Variants in RBFOX1 observed in about 807,000 individuals in gnomAD.
RBFOX1 encodes RNA binding fox-1 homolog 1, also known as RNA binding protein fox-1 homolog 1.
A neutral mutation model predicts 57.7 loss-of-function variants in RBFOX1; 8 were observed. The ratio of observed to expected loss-of-function variants is 0.14; its 90% CI spans 0.08 to 0.25. The LOEUF is 0.25. Ranked by LOEUF, RBFOX1 falls within the 10% of genes least tolerant of loss-of-function variation. The pLI, the probability that RBFOX1 is intolerant of heterozygous loss-of-function variation, is 1.00. For missense variants in RBFOX1, 611 were observed against 548.5 expected, an observed-to-expected ratio of 1.11 and a Z score of -1.14; for synonymous variants, 326 against 222.4, an observed-to-expected ratio of 1.47 and a Z score of -4.15.
intron 1 of RBFOX1, among the ~76,000 whole-genome samples, chr16:5,347,329 A>G (rs1490732001): frequency 6.6e-6 from 1 of 152,176 alleles, no homozygotes; most frequent in African/African-American, 2.4e-5. Context: ...TCGTTGCTCA[A>G]CAAATACTTG....
intron 3 of RBFOX1, among the ~76,000 whole-genome samples, chr16:5,865,901 G>GGA (rs144864788): frequency 2.6e-5 from 4 of 151,200 alleles, no homozygotes; most frequent in African/African-American, 7.3e-5. Context: ...GTGTGCAGGA[G>GGA]GAGAGAGAGA....
At chr16:6,093,807 TG>T (rs2096209827) in intron 1 of RBFOX1, among the ~76,000 whole-genome samples, 2 of 151,722 alleles carry the variant, frequency 1.3e-5, no homozygotes, top group African/African-American at 4.8e-5. Context: ...TTTGTAAAGA[TG>T]GGGGTCTCAC....
chr16:7,401,830 CAA>C (rs2148815943), intron 4 of RBFOX1, among the ~76,000 whole-genome samples: 1 of 152,174 alleles, frequency 6.6e-6, no homozygotes, highest in South Asian at 2.1e-4. Context: ...CACAGGAGGC[CAA>C]AAGAGTTTCC....
intron 3 of RBFOX1, among the ~76,000 whole-genome samples, chr16:5,633,235 C>G (rs1213676022): frequency 6.6e-6 from 1 of 152,174 alleles, no homozygotes; most frequent in East Asian, 1.9e-4. Flanking sequence ...CCACGCCCAG[C>G]CAACAACTCT....
intron 2 of RBFOX1, among the ~76,000 whole-genome samples, chr16:6,347,041 G>T (rs2085492848): frequency 6.6e-6 from 1 of 152,144 alleles, no homozygotes; most frequent in South Asian, 2.1e-4. Context: ...AGAATAGATG[G>T]ACAGAGCAAG....
chr16:7,117,865 T>G (rs2066255310), intron 4 of RBFOX1, among the ~76,000 whole-genome samples: 1 of 152,152 alleles, frequency 6.6e-6, no homozygotes, highest in South Asian at 2.1e-4. Flanking sequence ...AGGATTCATT[T>G]TGTTGTAGCT....
At chr16:5,375,639 A>G (rs564796243) in intron 1 of RBFOX1, among the ~76,000 whole-genome samples, 1 of 152,300 alleles carries the variant, frequency 6.6e-6, no homozygotes, top group South Asian at 2.1e-4. Flanking sequence ...ATGTTGTAAT[A>G]TCCAGTATTT....
intron 3 of RBFOX1, among the ~76,000 whole-genome samples, chr16:6,905,198 C>T (rs367625561): frequency 6.6e-6 from 1 of 151,788 alleles, no homozygotes; most frequent in Non-Finnish European, 1.5e-5. Context: ...TTCTCAATAA[C>T]ACTTGTTCCT....
At position 6,562,855 on chromosome 16, in the gene RBFOX1, TCTTTCTTTCTTTCTTTCTTTC is replaced by T. The variant is rs1567693424; in HGVS notation, c.-63-91747_-63-91727del. On this transcript the variant is annotated intron_variant, in intron 2 of 15. Coordinates refer to ENST00000550418, the MANE Select transcript of RBFOX1 (RefSeq NM_018723.4). ...TCTTTTCTTTCTTTCTTTCTTTCTT[TCTTTCTTTCTTTCTTTCTTTC>T]TTTCTTTTTTTTTTTTTTTTTTGCA... 2.9e-3 allele frequency among the ~76,000 whole-genome samples: 171 copies of T among 59,344 alleles called. 2 individuals are homozygous for T. The highest frequency in any genetic ancestry group is 0.012 in the African/African-American group (151 of 12,830). The allele number at this position is 59,344 out of a possible 152,430, so 38.9% of individuals were successfully genotyped here. A position where few individuals can be genotyped will look rare whatever the true frequency, so the allele number is the denominator to read the frequency against.
At chr16:6,627,728 C>G (rs140280671) in intron 2 of RBFOX1, among the ~76,000 whole-genome samples, 3 of 152,142 alleles carry the variant, frequency 2.0e-5, no homozygotes, top group South Asian at 2.1e-4. Flanking sequence ...AGTCATCCCC[C>G]CTCTGAGGCC....
intron 4 of RBFOX1, among the ~76,000 whole-genome samples, chr16:7,101,329 A>G (rs188503036): frequency 1.3e-5 from 2 of 152,318 alleles, no homozygotes; most frequent in East Asian, 1.9e-4. Context: ...AGAAAATGCT[A>G]TTCATTGAAA....
At chr16:5,551,071 T>C (rs1433789118) in intron 2 of RBFOX1, among the ~76,000 whole-genome samples, 3 of 152,176 alleles carry the variant, frequency 2.0e-5, no homozygotes, top group Non-Finnish European at 4.4e-5. Context: ...AAATACCCAC[T>C]GCATGGTTCT....
intron 1 of RBFOX1, among the ~76,000 whole-genome samples, chr16:6,223,977 G>T (rs2097397054): frequency 6.6e-6 from 1 of 152,120 alleles, no homozygotes; most frequent in Admixed American, 6.5e-5. Context: ...CCCATTGCTT[G>T]TTTTTGTCAG....
chr16:5,731,012 C>T (rs965005638), intron 3 of RBFOX1, among the ~76,000 whole-genome samples: 1 of 148,408 alleles, frequency 6.7e-6, no homozygotes, highest in South Asian at 2.1e-4. Context: ...CTGCCATTAT[C>T]ACCAATGTAA....
At chr16:6,099,712 C>T (rs2096282205) in intron 1 of RBFOX1, among the ~76,000 whole-genome samples, 1 of 152,076 alleles carries the variant, frequency 6.6e-6, no homozygotes. Flanking sequence ...CATGACTGTC[C>T]TTGATTTTGA....
At chr16:7,197,167 T>C (rs2086911044) in intron 4 of RBFOX1, among the ~76,000 whole-genome samples, 1 of 152,168 alleles carries the variant, frequency 6.6e-6, no homozygotes, top group Non-Finnish European at 1.5e-5. Flanking sequence ...CTCTGGTTTC[T>C]CCAGGCTGTT....
At chr16:6,340,744 C>A (rs1051882056) in intron 2 of RBFOX1, among the ~76,000 whole-genome samples, 14 of 152,144 alleles carry the variant, frequency 9.2e-5, no homozygotes, top group Non-Finnish European at 1.8e-4. Context: ...TGCTGACCTC[C>A]TGTCTCATCC....
rs567699680 is a variant in RBFOX1, at chr16:6,508,941, G to A, written c.-63-145662G>A. On this transcript the variant is annotated intron_variant, in intron 2 of 15. Transcript: ENST00000550418. ...GTATTCATTATCTGTGCCTCAGGTT[G>A]AGACCTGGTTTCTCAGTACTATGTG... Among the ~76,000 whole-genome samples, 4 of 152,054 alleles carry A rather than the reference G, an allele frequency of 2.6e-5. No homozygotes were observed. In the East Asian group the frequency reaches 7.8e-4, roughly 29 times the overall value.
At chr16:5,738,516 C>G (rs2052660123) in intron 3 of RBFOX1, among the ~76,000 whole-genome samples, 1 of 151,400 alleles carries the variant, frequency 6.6e-6, no homozygotes, top group Non-Finnish European at 1.5e-5. Context: ...CGTCTGTAAT[C>G]CCAGCTACTC....
Sources: gnomAD v4.1 joint callset for allele counts (sites outside exome capture counted in the v4.1 genomes callset) on GRCh38, gnomAD v4.1.1 for gene constraint, MANE v1.5 for transcripts, NCBI Gene and HGNC (gene_info 2026-07-23, HGNC 2026-07-21) for gene names.